Variants in ESRRG observed in about 807,000 individuals in gnomAD.
ESRRG encodes estrogen-related receptor gamma.
Under a neutral mutation model 44.0 loss-of-function variants are expected in ESRRG, and 13 were observed. The observed-to-expected ratio is 0.30, with a 90% CI of 0.19 to 0.47. ESRRG has a LOEUF of 0.47. ESRRG is among the 20% of genes least tolerant of loss of function. The pLI is 1.00. For synonymous variants in ESRRG, 215 were observed against 214.6 expected (o/e 1.00, Z -0.02); for missense variants, 395 against 580.6 (o/e 0.68, Z 3.29).
At chr1:216,592,761 A>G (rs1042901781) in intron 3 of ESRRG, among the ~76,000 whole-genome samples, 3 of 152,060 alleles carry the variant, frequency 2.0e-5, no homozygotes, top group Non-Finnish European at 4.4e-5. Flanking sequence ...CGGCCTCCCA[A>G]AGTGCTGGAA....
At chr1:216,904,940 G>T (rs2059522124) in intron 2 of ESRRG, among the ~76,000 whole-genome samples, 1 of 152,178 alleles carries the variant, frequency 6.6e-6, no homozygotes, top group Non-Finnish European at 1.5e-5. Context: ...AGGGCCCAGT[G>T]CAGATAGGGC....
chr1:216,591,141 C>T (rs2057595271), intron 3 of ESRRG, among the ~76,000 whole-genome samples: 1 of 152,128 alleles, frequency 6.6e-6, no homozygotes, highest in Admixed American at 6.5e-5. Flanking sequence ...ACCAGAAATA[C>T]CAAGTCTTGA....
At chr1:216,859,592 G>A (rs796292739) in intron 2 of ESRRG, among the ~76,000 whole-genome samples, 23 of 152,278 alleles carry the variant, frequency 1.5e-4, no homozygotes, top group African/African-American at 5.1e-4. Flanking sequence ...ATAAGACTAG[G>A]AATAATGCTT....
At chr1:216,542,620 T>C (rs1001158524) in intron 5 of ESRRG, among the ~76,000 whole-genome samples, 1 of 152,018 alleles carries the variant, frequency 6.6e-6, no homozygotes, top group African/African-American at 2.4e-5. Context: ...CCTTCAAAAC[T>C]TTTTTTAAAC....
chr1:216,666,939 C>A (rs192310970), intron 2 of ESRRG, among the ~76,000 whole-genome samples: 3 of 152,002 alleles, frequency 2.0e-5, no homozygotes, highest in East Asian at 1.9e-4. Context: ...TCTCCTCCCC[C>A]CAAAAAAAAT....
intron 1 of ESRRG, among the ~76,000 whole-genome samples, chr1:217,052,486 A>G (rs1409712535): frequency 6.6e-6 from 1 of 152,212 alleles, no homozygotes; most frequent in East Asian, 1.9e-4. Context: ...GTAACCACAT[A>G]TTACATTCAG....
intron 5 of ESRRG, among the ~76,000 whole-genome samples, chr1:216,541,802 C>T (rs1025859130): frequency 6.6e-6 from 1 of 151,770 alleles, no homozygotes; most frequent in Non-Finnish European, 1.5e-5. Flanking sequence ...TCCTTTCAGC[C>T]AAACCTTTAG....
At chr1:216,605,937 C>A (rs946157964) in intron 3 of ESRRG, among the ~76,000 whole-genome samples, 4 of 151,238 alleles carry the variant, frequency 2.6e-5, no homozygotes, top group African/African-American at 9.7e-5. Flanking sequence ...AACAAGAAAG[C>A]TGATTTTGTT....
At chr1:216,607,522 G>A (rs1329435868) in intron 3 of ESRRG, among the ~76,000 whole-genome samples, 7 of 152,152 alleles carry the variant, frequency 4.6e-5, no homozygotes, top group Admixed American at 2.6e-4. Flanking sequence ...CATCAACTCC[G>A]TGTGTGCATA....
At chr1:216,947,470 T>C (rs976780033) in intron 1 of ESRRG, among the ~76,000 whole-genome samples, 3 of 152,308 alleles carry the variant, frequency 2.0e-5, no homozygotes, top group African/African-American at 7.2e-5. Context: ...CTTACTTCCT[T>C]CCCATAAACG....
chr1:216,547,944 T>C (rs1258457875), intron 5 of ESRRG, among the ~76,000 whole-genome samples: 4 of 152,112 alleles, frequency 2.6e-5, no homozygotes, highest in Non-Finnish European at 4.4e-5. Context: ...AGGCATGAGC[T>C]ATATGGCTTT....
At chr1:216,788,213 T>C (rs2148024912) in intron 2 of ESRRG, among the ~76,000 whole-genome samples, 1 of 152,268 alleles carries the variant, frequency 6.6e-6, no homozygotes. Context: ...TGGAAGAACA[T>C]GCCATCTAGG....
upstream of ESRRG, among the ~76,000 whole-genome samples, chr1:217,092,878 T>G (rs951827244): frequency 1.3e-5 from 2 of 152,206 alleles, no homozygotes; most frequent in Admixed American, 1.3e-4. Context: ...GTAGCAAAAG[T>G]GTTATCCTTT....
intron 2 of ESRRG, among the ~76,000 whole-genome samples, chr1:216,675,985 G>A (rs1245110290): frequency 6.6e-6 from 1 of 152,088 alleles, no homozygotes; most frequent in Non-Finnish European, 1.5e-5. Context: ...CCAATGAGCT[G>A]GCAAGCTTGA....
intron 1 of ESRRG, among the ~76,000 whole-genome samples, chr1:216,981,156 C>T (rs979483627): frequency 2.0e-5 from 3 of 152,238 alleles, no homozygotes; most frequent in Non-Finnish European, 2.9e-5. Context: ...ACAGCAAGAA[C>T]GTTATCGAGT....
intron 1 of ESRRG, among the ~76,000 whole-genome samples, chr1:217,004,234 C>T (rs1266597121): frequency 1.3e-5 from 2 of 152,158 alleles, no homozygotes; most frequent in African/African-American, 4.8e-5. Flanking sequence ...GAATGGATTA[C>T]TGACTGATAT....
intron 1 of ESRRG, among the ~76,000 whole-genome samples, chr1:216,700,597 C>T (rs17627954): frequency 0.19 from 29,447 of 151,992 alleles, 2,943 homozygotes; most frequent in South Asian, 0.33. Flanking sequence ...AACATCAGAG[C>T]CAGATAGTAC....
At chr1:217,047,701 A>T (rs529097680) in intron 1 of ESRRG, among the ~76,000 whole-genome samples, 45 of 152,274 alleles carry the variant, frequency 3.0e-4, no homozygotes, top group Admixed American at 1.7e-3. Context: ...GGAATGACCA[A>T]GAAGAAAGAA....
intron 2 of ESRRG, among the ~76,000 whole-genome samples, chr1:216,780,178 T>A (rs2093876969): frequency 1.3e-5 from 2 of 151,998 alleles, no homozygotes; most frequent in Admixed American, 6.6e-5. Context: ...CTTGACAGTT[T>A]TAATTTTTAT....
Sources: gnomAD v4.1 joint callset for allele counts (sites outside exome capture counted in the v4.1 genomes callset) on GRCh38, gnomAD v4.1.1 for gene constraint, MANE v1.5 for transcripts, NCBI Gene and HGNC (gene_info 2026-07-23, HGNC 2026-07-21) for gene names.